ADAMTS6: variants seen among roughly 807,000 people sequenced by gnomAD.
ADAMTS6 encodes ADAM metallopeptidase with thrombospondin type 1 motif 6, also known as A disintegrin and metalloproteinase with thrombospondin motifs 6.
ADAMTS6 carries 23 observed loss-of-function variants against 144.3 expected under a neutral mutation model. The ratio of observed to expected loss-of-function variants is 0.16; its 90% CI spans 0.11 to 0.23. ADAMTS6 has a LOEUF of 0.23. ADAMTS6 is among the 10% of genes least tolerant of loss of function. The pLI is 1.00. For synonymous variants in ADAMTS6, 444 were observed against 457.5 expected (o/e 0.97, Z 0.38); for missense variants, 999 against 1,379.6 (o/e 0.72, Z 4.37).
At chr5:65,247,933 G>A (rs1759774063) in intron 14 of ADAMTS6, among the ~76,000 whole-genome samples, 1 of 152,034 alleles carries the variant, frequency 6.6e-6, no homozygotes, top group African/African-American at 2.4e-5. Context: ...CATATTCTTA[G>A]TAGATTGCCC....
chr5:65,401,696 T>G (rs932518055), intron 7 of ADAMTS6, among the ~76,000 whole-genome samples: 9 of 152,306 alleles, frequency 5.9e-5, no homozygotes, highest in African/African-American at 2.2e-4. Context: ...TGATTCTCTG[T>G]ATTTGTCTGT....
At chr5:65,382,545 A>C (rs1451709157) in intron 7 of ADAMTS6, among the ~76,000 whole-genome samples, 2 of 152,250 alleles carry the variant, frequency 1.3e-5, no homozygotes, top group Non-Finnish European at 2.9e-5. Context: ...TAAGAATTTC[A>C]AGATGATGAC....
chr5:65,311,016 G>T (rs867983289), intron 9 of ADAMTS6, among the ~76,000 whole-genome samples: 1 of 152,028 alleles, frequency 6.6e-6, no homozygotes, highest in African/African-American at 2.4e-5. Context: ...AAAAAAAAAA[G>T]ATGTTCTTCC....
At chr5:65,198,804 A>AACCCCTAAAAC (rs1561271937) in intron 20 of ADAMTS6, 1 of 159,592 alleles carries the variant, frequency 6.3e-6, no homozygotes, top group Non-Finnish European at 1.5e-5. Flanking sequence ...AAAATAAGCC[A>AACCCCTAAAAC]AACAATGAAG....
chr5:65,451,959 TTGTAA>T (rs1758776364), intron 6 of ADAMTS6, among the ~76,000 whole-genome samples, 169 bp downstream of exon 6: 2 of 152,216 alleles, frequency 1.3e-5, no homozygotes, highest in Non-Finnish European at 2.9e-5. Flanking sequence ...AGGTATATTC[TTGTAA>T]TGTATTTAAA....
At chr5:65,169,204 C>A (rs1382764339) in intron 24 of ADAMTS6, among the ~76,000 whole-genome samples, 1 of 51,624 alleles carries the variant, frequency 1.9e-5, no homozygotes, top group African/African-American at 1.2e-4. Context: ...AAACAAACAA[C>A]CCCATCAAAA....
intron 18 of ADAMTS6, 82 bp from the exon 19 acceptor site, chr5:65,215,569 T>C (rs772747702): frequency 3.2e-5 from 38 of 1,174,866 alleles, no homozygotes; most frequent in East Asian, 7.3e-5. Context: ...CAATAAAGTA[T>C]ACAATGAATA....
At chr5:65,451,427 G>A in intron 7 of ADAMTS6, 48 bp downstream of exon 7, 6 of 1,605,246 alleles carry the variant, frequency 3.7e-6, no homozygotes, top group Non-Finnish European at 5.1e-6. Flanking sequence ...TATTACAATA[G>A]TGAATAAACA....
chr5:65,414,672 C>T (rs954537621), intron 7 of ADAMTS6, among the ~76,000 whole-genome samples: 2 of 152,092 alleles, frequency 1.3e-5, no homozygotes, highest in Non-Finnish European at 2.9e-5. Flanking sequence ...TGAGCTAGAA[C>T]ATTAAAAAAT....
intron 9 of ADAMTS6, among the ~76,000 whole-genome samples, chr5:65,315,501 T>A (rs1744901434): frequency 6.6e-6 from 1 of 152,068 alleles, no homozygotes; most frequent in Admixed American, 6.5e-5. Context: ...ATTGTCTCAA[T>A]GATCACTTTA....
At chr5:65,467,004 T>C (rs1477112651) in intron 3 of ADAMTS6, among the ~76,000 whole-genome samples, 3 of 147,908 alleles carry the variant, frequency 2.0e-5, no homozygotes, top group Non-Finnish European at 4.4e-5. Flanking sequence ...ATTGCGCCAC[T>C]GCACCCAGCC....
chr5:65,402,810 C>A (rs970048598), intron 7 of ADAMTS6, among the ~76,000 whole-genome samples: 2 of 152,048 alleles, frequency 1.3e-5, no homozygotes, highest in Non-Finnish European at 1.5e-5. Flanking sequence ...TAATAATTCT[C>A]ACTATCATAC....
intron 7 of ADAMTS6, among the ~76,000 whole-genome samples, chr5:65,388,541 G>C (rs1224372574): frequency 6.6e-6 from 1 of 152,166 alleles, no homozygotes; most frequent in Non-Finnish European, 1.5e-5. Context: ...CCTGATGCAA[G>C]TTACTAAATT....
Position 65,172,980 on chromosome 5 carries a change from T to C in ADAMTS6, c.2939A>G (p.Lys980Arg), listed in dbSNP as rs778214796. Residue 980 changes from lysine (K) to arginine (R), a missense_variant, in exon 23 of 25, where the codon AAG becomes AGG. By Grantham distance (26) the Lys-to-Arg change is conservative. This residue lies in a region of ADAMTS6 where 619 missense variants were observed against 837.0 expected (regional missense o/e 0.74). Transcript: ENST00000381055. ...ECTPKCGPGFKHRIVLCKSSD... is the reference protein window; with the variant it reads ...ECTPKCGPGFRHRIVLCKSSD... ...GCTCTTGCACAGAACAATCCGATGCTTGAATCCTGGACCACATTTTGGAGT... is the reference window on the plus strand; with the variant it reads ...GCTCTTGCACAGAACAATCCGATGCCTGAATCCTGGACCACATTTTGGAGT... The C allele has an allele frequency of 6.4e-5, 103 of 1,613,956 alleles. No homozygotes were observed. The highest frequency in any genetic ancestry group is 6.8e-6 in the Non-Finnish European group (8 of 1,180,006).
At chr5:65,274,187 T>G (rs1762272603) in intron 11 of ADAMTS6, among the ~76,000 whole-genome samples, 1 of 152,076 alleles carries the variant, frequency 6.6e-6, no homozygotes, top group African/African-American at 2.4e-5. Flanking sequence ...CAATATAAAA[T>G]ACTTTTTTGT....
chr5:65,415,122 T>C (rs1486967021), intron 7 of ADAMTS6, among the ~76,000 whole-genome samples: 4 of 152,134 alleles, frequency 2.6e-5, no homozygotes, highest in Admixed American at 6.6e-5. Context: ...TAAAAAACTA[T>C]TACAAGTGAA....
At chr5:65,339,508 G>A (rs560529949) in intron 7 of ADAMTS6, among the ~76,000 whole-genome samples, 1 of 141,506 alleles carries the variant, frequency 7.1e-6, no homozygotes, top group South Asian at 2.2e-4. Flanking sequence ...TTCAGTAACA[G>A]AAACCAAATC....
chr5:65,288,425 T>C lies in ADAMTS6; in HGVS notation c.1512+2904A>G, dbSNP rs1222098382. ...ACCTCCGCTTCCCGGGTTCAAGTGA[T>C]TCTCCTGCCTCAGACTCCTGAGTAG... On this transcript the variant is annotated intron_variant, in intron 11 of 24. Coordinates refer to ENST00000381055, the MANE Select transcript of ADAMTS6 (RefSeq NM_197941.4). Among the ~76,000 whole-genome samples, 3 of 152,046 alleles carry C rather than the reference T, an allele frequency of 2.0e-5. No homozygotes were observed. In the East Asian group the frequency reaches 5.8e-4, roughly 29 times the overall value.
intron 13 of ADAMTS6, among the ~76,000 whole-genome samples, chr5:65,262,366 C>T (rs998577178): frequency 1.3e-4 from 20 of 152,106 alleles, no homozygotes; most frequent in Admixed American, 3.9e-4. Flanking sequence ...ATTTGTGATG[C>T]GAATCAAGGC....
Sources: gnomAD v4.1 joint callset for allele counts (sites outside exome capture counted in the v4.1 genomes callset) on GRCh38, gnomAD v4.1.1 for gene constraint, gnomAD v4.1.1 regional missense constraint, MANE v1.5 for transcripts, NCBI Gene and HGNC (gene_info 2026-07-23, HGNC 2026-07-21) for gene names.